PARN: variants seen among roughly 807,000 people sequenced by gnomAD.
PARN encodes poly(A)-specific ribonuclease PARN.
Under a neutral mutation model 102.8 loss-of-function variants are expected in PARN, and 71 were observed. The observed-to-expected ratio is 0.69, with a 90% CI of 0.57 to 0.84. The LOEUF is 0.84. PARN is among the 40% of genes least tolerant of loss of function. The pLI, the probability that PARN is intolerant of heterozygous loss-of-function variation, is 0.00. For synonymous variants in PARN, 261 were observed against 252.9 expected, an observed-to-expected ratio of 1.03 and a Z score of -0.30; for missense variants, 782 against 760.9, an observed-to-expected ratio of 1.03 and a Z score of -0.33.
intron 22 of PARN, among the ~76,000 whole-genome samples, chr16:14,481,803 T>G (rs970784975): frequency 6.6e-6 from 1 of 152,212 alleles, no homozygotes; most frequent in Non-Finnish European, 1.5e-5. Flanking sequence ...TGTACACATT[T>G]TTCCCATTTT....
At chr16:14,628,098 G>A in intron 3 of PARN, 74 bp downstream of exon 3, 1 of 897,328 alleles carries the variant, frequency 1.1e-6, no homozygotes, top group Admixed American at 2.0e-5. Context: ...CACAAGTTTA[G>A]TAACAATATT....
chr16:14,532,221 C>T (rs1456861907), intron 21 of PARN, among the ~76,000 whole-genome samples: 4 of 145,592 alleles, frequency 2.7e-5, no homozygotes, highest in African/African-American at 1.0e-4. Flanking sequence ...GTGTTTCTCG[C>T]AGAGGGGGAT....
At chr16:14,483,760 G>A (rs1963508565) in intron 21 of PARN, among the ~76,000 whole-genome samples, 1 of 151,760 alleles carries the variant, frequency 6.6e-6, no homozygotes, top group Non-Finnish European at 1.5e-5. Flanking sequence ...AAACTTTGCT[G>A]TCACCACTGC....
In PARN at chr16:14,627,152, G is replaced by A. The variant is rs1972723198; in HGVS notation, c.281C>T (p.Pro94Leu). Residue 94 changes from proline (P) to leucine (L), a missense_variant, in exon 5 of 24, where the codon CCG becomes CTG. Coordinates refer to ENST00000437198, the MANE Select transcript of PARN (RefSeq NM_002582.4). ...ITKSFNFYVF[P>L]KPFNRSSPDV... Reference sequence around the variant, plus strand: ...TGGTGAGGATCTATTGAAGGGTTTCGGGAAAACATAGAAGTTAAATGACTT... The same window carrying A: ...TGGTGAGGATCTATTGAAGGGTTTCAGGAAAACATAGAAGTTAAATGACTT... 8.1e-6 allele frequency: 13 copies of A among 1,605,768 alleles called. No individual in the cohort carries two copies. The highest frequency in any genetic ancestry group is 1.1e-5 in the Non-Finnish European group (13 of 1,173,746).
chr16:14,629,994 T>G, intron 1 of PARN, 113 bp downstream of exon 1: 1 of 976,524 alleles, frequency 1.0e-6, no homozygotes, highest in Non-Finnish European at 1.6e-6. Flanking sequence ...GGAAAAGCCC[T>G]GAGGGGCTGC....
rs182289417 is a variant in PARN, at chr16:14,487,872, G to A, written c.1481-5045C>T. On this transcript the variant is annotated intron_variant, in intron 21 of 23. Coordinates refer to ENST00000437198, the MANE Select transcript of PARN (RefSeq NM_002582.4). ...AGGCACAGAACTGTACACCAAAGACGGTCACTTTATTATACATCAATTAAA... is the reference window on the plus strand; with the variant it reads ...AGGCACAGAACTGTACACCAAAGACAGTCACTTTATTATACATCAATTAAA... 5.6e-4 allele frequency among the ~76,000 whole-genome samples: 85 copies of A among 152,092 alleles called. 2 individuals are homozygous for A. The highest frequency in any genetic ancestry group is 2.0e-3 in the African/African-American group (82 of 41,472).
intron 20 of PARN, 151 bp downstream of exon 20, chr16:14,553,914 G>C (rs1967488700): frequency 1.6e-6 from 1 of 617,322 alleles, no homozygotes; most frequent in Non-Finnish European, 2.9e-6. Flanking sequence ...AAAGATAACA[G>C]TATCCTAAAC....
intron 22 of PARN, among the ~76,000 whole-genome samples, chr16:14,479,700 G>C (rs1459885218): frequency 6.6e-6 from 1 of 152,102 alleles, no homozygotes; most frequent in Non-Finnish European, 1.5e-5. Flanking sequence ...AGCAGAAACA[G>C]ACCTAGACAT....
At chr16:14,494,970 A>G (rs1456324214) in intron 21 of PARN, among the ~76,000 whole-genome samples, 2 of 152,070 alleles carry the variant, frequency 1.3e-5, no homozygotes, top group East Asian at 1.9e-4. Context: ...GGGCAGAGAG[A>G]ATACATTTGG....
intron 21 of PARN, among the ~76,000 whole-genome samples, chr16:14,547,879 T>C (rs1967055297): frequency 6.6e-6 from 1 of 152,184 alleles, no homozygotes; most frequent in Non-Finnish European, 1.5e-5. Context: ...TTTAATGATT[T>C]TCTCAATGTT....
At position 14,582,282 on chromosome 16, in the gene PARN, T is replaced by C. The variant is rs759663590; in HGVS notation, c.1091A>G (p.Glu364Gly). 3.7e-6 allele frequency: 6 copies of C among 1,612,470 alleles called. No individual in the cohort carries two copies. The South Asian group carries it at 6.6e-5, about 18-fold the overall frequency. Residue 364 changes from glutamate (E) to glycine (G), a missense_variant, in exon 17 of 24, where the codon GAA (glutamate) becomes GGA (glycine). Physicochemically the swap from Glu to Gly is moderately conservative, Grantham distance 98. Transcript: ENST00000437198. ...PFNPPKVESA[E>G]GFPSYDTASE... is the part of the protein sequence containing the mutation. Reference sequence around the variant, plus strand: ...GGCTGTGTCATAACTTGGAAAACCTTCGGCACTTTCTAAGAAAAAAAAGGA... The same window carrying C: ...GGCTGTGTCATAACTTGGAAAACCTCCGGCACTTTCTAAGAAAAAAAAGGA...
rs145992792 is a variant in PARN at position 14,553,804 on chromosome 16, C to G, written c.1405+261G>C. The stretch of plus-strand genomic sequence containing the variant: ...TTAGCCACAGCTTATTTTCCCTGGT[C>G]AGTAGTAAGGACAGTCCTCATCACG... On this transcript the variant is annotated intron_variant, in intron 20 of 23. Transcript: ENST00000437198. 8.5e-3 allele frequency among the ~76,000 whole-genome samples: 1,288 copies of G among 152,272 alleles called. 22 individuals carry two copies. Among genetic ancestry groups the G allele is most frequent in the African/African-American group, 0.029 (1,208 of 41,542 alleles).
chr16:14,553,644 C>T (rs534490367), intron 20 of PARN, among the ~76,000 whole-genome samples: 3 of 152,342 alleles, frequency 2.0e-5, no homozygotes, highest in Admixed American at 2.0e-4. Context: ...AAGGACTGCC[C>T]TACCTCATAC....
chr16:14,476,805 G>C (rs1184967302), intron 22 of PARN, among the ~76,000 whole-genome samples: 1 of 152,120 alleles, frequency 6.6e-6, no homozygotes, highest in African/African-American at 2.4e-5. Flanking sequence ...CACCAATCTG[G>C]AACAACGACT....
chr16:14,596,408 G>A (rs1970515294), intron 12 of PARN, among the ~76,000 whole-genome samples: 1 of 151,756 alleles, frequency 6.6e-6, no homozygotes, highest in East Asian at 1.9e-4. Context: ...AAAAATCCCT[G>A]AGTCCATACA....
At chr16:14,498,876 T>C (rs1038868440) in intron 21 of PARN, among the ~76,000 whole-genome samples, 5 of 152,256 alleles carry the variant, frequency 3.3e-5, no homozygotes, top group African/African-American at 9.6e-5. Flanking sequence ...ACGCTTTGCC[T>C]TGATGAGATG....
intron 23 of PARN, among the ~76,000 whole-genome samples, chr16:14,438,662 A>C (rs1333194450): frequency 1.3e-5 from 2 of 152,242 alleles, no homozygotes; most frequent in African/African-American, 2.4e-5. Flanking sequence ...GATACAGCAA[A>C]GTTGCTGGGT....
At chr16:14,494,239 A>T (rs1964197507) in intron 21 of PARN, among the ~76,000 whole-genome samples, 1 of 152,222 alleles carries the variant, frequency 6.6e-6, no homozygotes, top group South Asian at 2.1e-4. Flanking sequence ...TTGTTCATTT[A>T]TTCATCTATC....
intron 16 of PARN, among the ~76,000 whole-genome samples, chr16:14,583,979 A>AT (rs1195248944): frequency 6.6e-6 from 1 of 152,112 alleles, no homozygotes; most frequent in African/African-American, 2.4e-5. Context: ...TGGAAAATAT[A>AT]TTTTTTACTC....
Sources: gnomAD v4.1 joint callset for allele counts (sites outside exome capture counted in the v4.1 genomes callset) on GRCh38, gnomAD v4.1.1 for gene constraint, MANE v1.5 for transcripts, NCBI Gene and HGNC (gene_info 2026-07-23, HGNC 2026-07-21) for gene names.